CROCC: variants seen among roughly 807,000 people sequenced by gnomAD.
CROCC encodes the protein ciliary rootlet coiled-coil, rootletin, also known as rootletin.
A neutral mutation model predicts 245.2 loss-of-function variants in CROCC; 180 were observed. That is an observed-to-expected ratio of 0.73 (90% confidence interval 0.65 to 0.83). The LOEUF (loss-of-function observed/expected upper bound fraction) is 0.83. Among genes scored for constraint, CROCC ranks in the 40% least tolerant of loss-of-function variants. The pLI, the probability that CROCC is intolerant of heterozygous loss-of-function variation, is 0.00. For synonymous variants in CROCC, 1,205 were observed against 1,241.6 expected (o/e 0.97, Z 0.62); for missense variants, 2,688 against 2,779.4 (o/e 0.97, Z 0.74).
At position 16,954,860 on chromosome 1, in the gene CROCC, G is replaced by A. The variant is rs749823373; in HGVS notation, c.3448G>A (p.Asp1150Asn). 3.3e-6 allele frequency: 5 copies of A among 1,536,770 alleles called. No individual in the cohort carries two copies. In the South Asian group the frequency reaches 4.8e-5, roughly 15 times the overall value. The change falls in exon 23 of 37, where the codon GAC (aspartate) becomes AAC (asparagine). Residue 1150 changes from aspartate to asparagine, a missense_variant. Physicochemically the swap from Asp to Asn is conservative, Grantham distance 23 (BLOSUM62 1). This residue lies in a region of CROCC where 1,218 missense variants were observed against 1,286.3 expected (regional missense o/e 0.95). Coordinates refer to ENST00000375541, the MANE Select transcript of CROCC (RefSeq NM_014675.5). This position sits in a 1 kb window ranked among gnomAD's most constrained non-coding sequence, Gnocchi z 4.4. ...GGCCCGAGACCTGGGCAAGCAGCGG[G>A]ACTCCTGTCTTCGCGAGGTGAGCAG... ...EQARDLGKQR[D>N]SCLREAEELR... is the part of the protein sequence containing the mutation.
chr1:16,938,048 A>C (rs1362296270), intron 10 of CROCC, among the ~76,000 whole-genome samples: 2 of 152,276 alleles, frequency 1.3e-5, no homozygotes, highest in African/African-American at 2.4e-5. Context: ...CACGCTCTCC[A>C]GGTCCAGATG....
chr1:16,948,649 T>C, intron 18 of CROCC, 125 bp downstream of exon 18: 1 of 1,506,610 alleles, frequency 6.6e-7, no homozygotes, highest in Non-Finnish European at 8.9e-7. Flanking sequence ...CGACTCGTCC[T>C]AGCTGTGGCT....
At chr1:16,938,133 G>T (rs1485455134) in intron 10 of CROCC, among the ~76,000 whole-genome samples, 1 of 150,446 alleles carries the variant, frequency 6.6e-6, no homozygotes, top group Non-Finnish European at 1.5e-5. Flanking sequence ...GCCTGGTTTG[G>T]TCACCCCTCT....
chr1:16,938,745 G>A (rs1570629787), intron 11 of CROCC, among the ~76,000 whole-genome samples, 164 bp from the exon 12 acceptor site: 2 of 152,286 alleles, frequency 1.3e-5, no homozygotes, highest in Non-Finnish European at 2.9e-5. Context: ...CCTCAGCGGC[G>A]AGCCGAGGAC....
At chr1:16,926,669 C>T (rs2075541536) in intron 3 of CROCC, among the ~76,000 whole-genome samples, 1 of 152,266 alleles carries the variant, frequency 6.6e-6, no homozygotes, top group Non-Finnish European at 1.5e-5. Flanking sequence ...TGGGGGTCCC[C>T]CCTTCTTGCT....
At chr1:16,959,077 C>G (rs565358300) in intron 26 of CROCC, among the ~76,000 whole-genome samples, 2 of 152,172 alleles carry the variant, frequency 1.3e-5, no homozygotes, top group African/African-American at 4.8e-5. Context: ...GGCTGGAGTG[C>G]GCTGGCACCA....
Position 16,931,347 on chromosome 1 carries a change from G to C in CROCC, c.906G>C (p.Gln302His), listed in dbSNP as rs1294193016. ...GTCGCCTGCTCCTCCTCTGGAGGCA[G>C]GTGGTGGGGTTCCGGCGGCTGGTCA... ...EHSRLLLLWR[Q>H]VVGFRRLVSE... The change falls in exon 8 of 37, where the codon CAG becomes CAC. Residue 302 changes from glutamine (Q) to histidine (H), a missense_variant. Gln to His is a conservative substitution (Grantham distance 24). Transcript: ENST00000375541. 1 of 1,612,888 alleles carries C rather than the reference G, an allele frequency of 6.2e-7. No individual in the cohort carries two copies. The highest frequency in any genetic ancestry group is 1.7e-5 in the Admixed American group (1 of 59,988).
intron 27 of CROCC, among the ~76,000 whole-genome samples, chr1:16,962,515 A>G (rs1012863872): frequency 7.0e-6 from 1 of 142,460 alleles, no homozygotes; most frequent in African/African-American, 2.6e-5. Context: ...AGCCTGGGCG[A>G]CAGAGCTAGA....
At chr1:16,917,022 G>A (rs1482570143), upstream of CROCC, among the ~76,000 whole-genome samples, 1 of 152,296 alleles carries the variant, frequency 6.6e-6, no homozygotes, top group East Asian at 1.9e-4. Context: ...GGAGGCTGAG[G>A]CAGGAGAATT....
Position 16,930,001 on chromosome 1 carries a change from G to A in CROCC, c.507G>A (p.Gln169=). The change falls in exon 4 of 37, where the codon CAG becomes CAA. Residue 169 remains glutamine, a synonymous_variant. Transcript: ENST00000375541. ...LQAYQEGQQR[Q]AQLVQRLQGK... The stretch of plus-strand genomic sequence containing the variant: ...CCTACCAGGAGGGCCAGCAGCGGCA[G>A]GCCCAGCTTGTGCAGCGGCTGCAGG... The A allele has an allele frequency of 6.3e-7, 1 of 1,582,946 alleles. No homozygotes were observed. Among genetic ancestry groups the A allele is most frequent in the Non-Finnish European group, 8.6e-7 (1 of 1,168,438 alleles).
chr1:16,961,879 C>G (rs1165010687), intron 27 of CROCC, among the ~76,000 whole-genome samples: 1 of 152,160 alleles, frequency 6.6e-6, no homozygotes, highest in Non-Finnish European at 1.5e-5. Context: ...CAGGCGTGAG[C>G]CACCGTGCCT....
Position 16,939,054 on chromosome 1 carries a change from C to T in CROCC, c.1520C>T (p.Pro507Leu), listed in dbSNP as rs761791185. ...RRSSPGRGRSPRRGPSPACSD... is the reference protein window; with the variant it reads ...RRSSPGRGRSLRRGPSPACSD... ...TCCTCGCCCGGCCGAGGCCGTTCAC[C>T]CCGCCGAGGCCCCTCCCCGGCCTGC... Residue 507 changes from proline (P) to leucine (L), a missense_variant, in exon 12 of 37, where the codon CCC becomes CTC. Around this residue, in one of 9 missense-constraint regions of CROCC, gnomAD observed 972 missense variants for 895.3 expected, o/e 1.09. Coordinates refer to ENST00000375541, the MANE Select transcript of CROCC (RefSeq NM_014675.5). The T allele has an allele frequency of 1.9e-6, 3 of 1,588,966 alleles. No homozygotes were observed. The Admixed American group carries it at 5.3e-5, about 28-fold the overall frequency.
At chr1:16,951,684 G>A (rs1327726072) in intron 20 of CROCC, among the ~76,000 whole-genome samples, 10 of 152,362 alleles carry the variant, frequency 6.6e-5, no homozygotes, top group African/African-American at 2.2e-4. Flanking sequence ...TGCTCCATAA[G>A]TTATGATTGC....
At chr1:16,933,515 T>C (rs1489569522) in intron 8 of CROCC, among the ~76,000 whole-genome samples, 3 of 152,256 alleles carry the variant, frequency 2.0e-5, no homozygotes, top group Admixed American at 6.5e-5. Context: ...CTTTACAATT[T>C]GTTTGAATCT....
Position 16,956,048 on chromosome 1 carries a change from G to C in CROCC, c.3756G>C (p.Glu1252Asp). 1 of 1,551,172 alleles carries C rather than the reference G, an allele frequency of 6.4e-7. No homozygotes were observed. The highest frequency in any genetic ancestry group is 8.7e-7 in the Non-Finnish European group (1 of 1,147,020). Residue 1252 changes from glutamate to aspartate, a missense_variant, in exon 25 of 37, where the codon GAG (glutamate) becomes GAC (aspartate). By Grantham distance (45) the Glu-to-Asp change is conservative. Around this residue, in one of 9 missense-constraint regions of CROCC, gnomAD observed 1,218 missense variants for 1,286.3 expected, o/e 0.95. Coordinates refer to ENST00000375541, the MANE Select transcript of CROCC (RefSeq NM_014675.5). ...DKEQKLALLE[E>D]ARTAVGKEAG... ...AGCAGAAGCTGGCACTCCTAGAGGA[G>C]GCACGGACAGCTGTGGGCAAGGAGG... is the stretch of plus-strand genomic sequence containing the variant.
intron 17 of CROCC, among the ~76,000 whole-genome samples, chr1:16,947,840 G>GTTT (rs2076084029): frequency 6.6e-6 from 1 of 152,284 alleles, no homozygotes; most frequent in South Asian, 2.1e-4. Flanking sequence ...TTTTGTTTTT[G>GTTT]TTGTTGTTTT....
chr1:16,940,980 G>C, intron 13 of CROCC: 3 of 347,670 alleles, frequency 8.6e-6, no homozygotes, highest in Non-Finnish European at 1.7e-5. Context: ...CTGGGTTCCT[G>C]GGCAACTCTG....
At chr1:16,931,949 T>G (rs1311060063) in intron 8 of CROCC, among the ~76,000 whole-genome samples, 1 of 151,878 alleles carries the variant, frequency 6.6e-6, no homozygotes, top group Non-Finnish European at 1.5e-5. Context: ...TGTATTTTAG[T>G]AGAGACGGGG....
At chr1:16,943,128 G>A (rs968838846) in intron 13 of CROCC, among the ~76,000 whole-genome samples, 1 of 152,272 alleles carries the variant, frequency 6.6e-6, no homozygotes, top group Admixed American at 6.5e-5. Flanking sequence ...TGTAATCCCA[G>A]CTACTTGGGA....
Sources: gnomAD v4.1 joint callset for allele counts (sites outside exome capture counted in the v4.1 genomes callset) on GRCh38, gnomAD v4.1.1 for gene constraint, gnomAD v4.1.1 regional missense constraint, Gnocchi (gnomAD v3.1) non-coding constraint, MANE v1.5 for transcripts, NCBI Gene and HGNC (gene_info 2026-07-23, HGNC 2026-07-21) for gene names.